OSER1: variants seen among roughly 807,000 people sequenced by gnomAD.
The protein encoded by OSER1 is oxidative stress responsive serine rich 1, also known as oxidative stress-responsive serine-rich protein 1.
In OSER1, 15 loss-of-function variants were observed where a neutral mutation model predicts 26.3. The observed-to-expected ratio is 0.57, with a 90% CI of 0.38 to 0.88. The LOEUF is 0.88. OSER1 is among the 40% of genes least tolerant of loss of function. OSER1 has a pLI of 0.00. For missense variants in OSER1, 313 were observed against 353.9 expected, an observed-to-expected ratio of 0.88 and a Z score of 0.93; for synonymous variants, 127 against 128.2, an observed-to-expected ratio of 0.99 and a Z score of 0.07.
At chr20:44,200,008 G>A (rs2072964366) in intron 3 of OSER1, among the ~76,000 whole-genome samples, 1 of 152,226 alleles carries the variant, frequency 6.6e-6, no homozygotes, top group South Asian at 2.1e-4. Flanking sequence ...TACAGCTTGT[G>A]GACACTGCTC....
At chr20:44,198,952 G>A (rs1386073067) in intron 3 of OSER1, among the ~76,000 whole-genome samples, 1 of 152,088 alleles carries the variant, frequency 6.6e-6, no homozygotes, top group Non-Finnish European at 1.5e-5. Context: ...CTTCGTCCAG[G>A]GTATCCACAC....
chr20:44,205,710 G>A (rs1254897097), intron 2 of OSER1, among the ~76,000 whole-genome samples: 1 of 152,138 alleles, frequency 6.6e-6, no homozygotes, highest in Non-Finnish European at 1.5e-5. Flanking sequence ...GGAGGCCGAG[G>A]TGGGTGGATC....
rs756835305 is a variant in OSER1, at chr20:44,197,742, AAAGAGG to A, written c.192-9_192-4del. 6.3e-7 allele frequency: 1 copy of A among 1,587,488 alleles called. No individual in the cohort carries two copies. On this transcript the variant is annotated splice_region_variant and splice_polypyrimidine_tract_variant and intron_variant, in intron 3 of 3. Transcript: ENST00000255174. ...CTCGTGAAGACTTCCTTGTAGACCT[AAAGAGG>A]AAAAAAAATATACAAGAAGATGTTG...
Position 44,197,370 on chromosome 20 carries a change from T to G in OSER1, c.561A>C (p.Ser187=), listed in dbSNP as rs2072930081. 6.2e-7 allele frequency: 1 copy of G among 1,614,242 alleles called. No homozygotes were observed. Among genetic ancestry groups the G allele is most frequent in the African/African-American group, 1.3e-5 (1 of 75,066 alleles). ...LKASDLSDFQ[S]VSKLNQGKPC... is the part of the protein sequence containing the mutation. ...GCTTGCCCTGGTTTAGCTTGGAAAC[T>G]GATTGAAAGTCAGAGAGATCACTGG... Residue 187 remains serine, a synonymous_variant, in exon 4 of 4, where the codon TCA becomes TCC. Transcript: ENST00000255174.
At chr20:44,211,009 C>T (rs1050819333), upstream of OSER1, 2 of 152,380 alleles carry the variant, frequency 1.3e-5, no homozygotes, top group African/African-American at 4.8e-5. Flanking sequence ...TTCGGTTTGC[C>T]TCCTCCCAGT....
intron 3 of OSER1, among the ~76,000 whole-genome samples, chr20:44,200,867 T>A (rs2072974834): frequency 1.3e-5 from 2 of 152,220 alleles, no homozygotes; most frequent in African/African-American, 4.8e-5. Flanking sequence ...ATTGAAGGTA[T>A]GCTTTTCAAT....
rs570172263 is a variant in OSER1, at chr20:44,206,999, C to A, written c.-41-1G>T. On this transcript the variant is annotated splice_acceptor_variant, in intron 1 of 3. Transcript: ENST00000255174. LOFTEE classifies it low-confidence loss of function (5UTR_SPLICE). Reference sequence around the variant, plus strand: ...CTACTTATCGATGTTCCTGTTTACACTAAAAAAGAAAATAAAGTGAGCAAA... The same window carrying A: ...CTACTTATCGATGTTCCTGTTTACAATAAAAAAGAAAATAAAGTGAGCAAA... The A allele has an allele frequency of 5.5e-6, 8 of 1,460,506 alleles. No homozygotes were observed. Among genetic ancestry groups the A allele is most frequent in the Non-Finnish European group, 6.7e-6 (7 of 1,047,354 alleles). The allele number at this position is 1,460,506 out of a possible 1,614,324, so 90.5% of individuals were successfully genotyped here.
rs376535879 is a variant in OSER1, at chr20:44,197,032, T to C, written c.*20A>G. The C allele has an allele frequency of 6.4e-7, 1 of 1,555,222 alleles. No homozygotes were observed. On this transcript the variant is annotated 3_prime_UTR_variant, in exon 4 of 4. Coordinates refer to ENST00000255174, the MANE Select transcript of OSER1 (RefSeq NM_016470.8). ...GACAAGCCTTCATTGGTTTAAAGCA[T>C]ATGAATTAGCTTCTTGCTATCAGGT... is the stretch of plus-strand genomic sequence containing the variant.
chr20:44,207,499 G>A (rs377543665), intron 1 of OSER1: 4 of 152,376 alleles, frequency 2.6e-5, no homozygotes, highest in African/African-American at 9.6e-5. Flanking sequence ...AGGAAGACAC[G>A]TTTTAGAGAA....
At chr20:44,208,715 ATCCT>A (rs2073065101) in intron 1 of OSER1, among the ~76,000 whole-genome samples, 1 of 152,162 alleles carries the variant, frequency 6.6e-6, no homozygotes, top group South Asian at 2.1e-4. Flanking sequence ...TTGTAAACAA[ATCCT>A]TCCTGCTGGT....
At chr20:44,202,939 C>T (rs757809843) in intron 3 of OSER1, 22 bp downstream of exon 3, 1 of 1,289,780 alleles carries the variant, frequency 7.8e-7, no homozygotes, top group Admixed American at 1.7e-5. Context: ...GAATAAAAAT[C>T]ATCTCAATAA....
chr20:44,200,066 C>G (rs2072964838), intron 3 of OSER1, among the ~76,000 whole-genome samples: 2 of 152,214 alleles, frequency 1.3e-5, no homozygotes, highest in Admixed American at 6.5e-5. Flanking sequence ...GGATCCTCCC[C>G]TGTCCCTATT....
chr20:44,210,169 T>G (rs2073085702), intron 1 of OSER1: 1 of 152,500 alleles, frequency 6.6e-6, no homozygotes. Context: ...GCTTGGAGTG[T>G]GGGGACAACG....
chr20:44,198,226 A>G (rs879849338), intron 3 of OSER1, among the ~76,000 whole-genome samples: 4 of 152,252 alleles, frequency 2.6e-5, no homozygotes, highest in Non-Finnish European at 5.9e-5. Context: ...CATTGGTAAC[A>G]GCCAATCAAT....
chr20:44,210,026 C>T (rs2073082351), intron 1 of OSER1: 1 of 152,316 alleles, frequency 6.6e-6, no homozygotes, highest in Admixed American at 6.5e-5. Context: ...CCGTGCAACC[C>T]ACTCATCCCT....
chr20:44,196,592 T>C lies in OSER1; in HGVS notation c.*460A>G, dbSNP rs1272279171. On this transcript the variant is annotated 3_prime_UTR_variant, in exon 4 of 4. Transcript: ENST00000255174. ...AAACCTTTATAGACACAATATATCTTGCATTAAATCAGAGACGGTTTAAAT... is the reference window on the plus strand; with the variant it reads ...AAACCTTTATAGACACAATATATCTCGCATTAAATCAGAGACGGTTTAAAT... The C allele has an allele frequency of 6.2e-6, 1 of 160,140 alleles. No homozygotes were observed. Among genetic ancestry groups the C allele is most frequent in the Non-Finnish European group, 1.4e-5 (1 of 72,224 alleles). The allele number at this position is 160,140 out of a possible 1,614,324, so 9.9% of individuals were successfully genotyped here. A position where few individuals can be genotyped will look rare whatever the true frequency, so the allele number is the denominator to read the frequency against.
chr20:44,208,869 C>T (rs775791812), intron 1 of OSER1, among the ~76,000 whole-genome samples: 1 of 152,184 alleles, frequency 6.6e-6, no homozygotes, highest in African/African-American at 2.4e-5. Context: ...CCTCTTTAGC[C>T]CTCTCTGGAA....
chr20:44,196,239 G>A lies in OSER1; in HGVS notation c.*813C>T, dbSNP rs1162464673. Among the ~76,000 whole-genome samples, 1 of 144,964 alleles carries A rather than the reference G, an allele frequency of 6.9e-6. No individual in the cohort carries two copies. The highest frequency in any genetic ancestry group is 2.5e-5 in the African/African-American group (1 of 39,366). On this transcript the variant is annotated 3_prime_UTR_variant, in exon 4 of 4. Transcript: ENST00000255174. ...TGGGGTGACAGGGCAGCTCAAAGAG[G>A]TAACCATCTATAACATCTGAAACTG...
In OSER1 at chr20:44,197,014, CTTCA is replaced by C. The variant is rs2072925533; in HGVS notation, c.*34_*37del. 1 of 1,430,334 alleles carries C rather than the reference CTTCA, an allele frequency of 7.0e-7. No homozygotes were observed. Among genetic ancestry groups the C allele is most frequent in the Non-Finnish European group, 9.8e-7 (1 of 1,020,560 alleles). The allele number at this position is 1,430,334 out of a possible 1,614,324, so 88.6% of individuals were successfully genotyped here. The stretch of plus-strand genomic sequence containing the variant: ...CATTAACTAAATCTCTTTGACAAGC[CTTCA>C]TTGGTTTAAAGCATATGAATTAGCT... On this transcript the variant is annotated 3_prime_UTR_variant, in exon 4 of 4. Transcript: ENST00000255174.
Sources: allele counts gnomAD v4.1 joint callset (sites outside exome capture counted in the v4.1 genomes callset), GRCh38; gene constraint gnomAD v4.1.1; transcripts MANE v1.5; gene names NCBI Gene and HGNC (gene_info 2026-07-23, HGNC 2026-07-21).